Variants in AUTS2 observed in about 807,000 individuals in gnomAD.
AUTS2 encodes the protein activator of transcription and developmental regulator AUTS2, also known as autism susceptibility gene 2 protein.
AUTS2 carries 17 observed loss-of-function variants against 112.4 expected under a neutral mutation model. That is an observed-to-expected ratio of 0.15 (90% CI 0.10 to 0.23). The LOEUF is 0.23. AUTS2 is among the 10% of genes least tolerant of loss of function. AUTS2 has a pLI of 1.00. For synonymous variants in AUTS2, 751 were observed against 702.7 expected (o/e 1.07, Z -1.09); for missense variants, 1,510 against 1,701.6 (o/e 0.89, Z 1.98).
chr7:69,865,216 G>C (rs1793168063), intron 1 of AUTS2, among the ~76,000 whole-genome samples: 1 of 152,046 alleles, frequency 6.6e-6, no homozygotes, highest in South Asian at 2.1e-4. Flanking sequence ...GGGAGTGGGA[G>C]TTTGGGGAGG....
chr7:70,724,401 C>T (rs980892189), intron 6 of AUTS2, among the ~76,000 whole-genome samples: 2 of 145,340 alleles, frequency 1.4e-5, no homozygotes, highest in South Asian at 4.5e-4. Flanking sequence ...AGAATTAAAA[C>T]ATCAGTTTAT....
intron 5 of AUTS2, among the ~76,000 whole-genome samples, chr7:70,689,044 C>T (rs955772307): frequency 2.0e-5 from 3 of 151,928 alleles, no homozygotes; most frequent in Non-Finnish European, 4.4e-5. Flanking sequence ...GATTCAGGGT[C>T]GACTTTATAA....
At chr7:69,822,303 T>C (rs1791035256) in intron 1 of AUTS2, among the ~76,000 whole-genome samples, 1 of 152,182 alleles carries the variant, frequency 6.6e-6, no homozygotes, top group Non-Finnish European at 1.5e-5. Flanking sequence ...CCAAAGGATA[T>C]GTAGCTTGGA....
chr7:69,660,349 A>T (rs1438540903), intron 1 of AUTS2, among the ~76,000 whole-genome samples: 2 of 151,800 alleles, frequency 1.3e-5, no homozygotes, highest in African/African-American at 4.8e-5. Flanking sequence ...TCAATTTTTG[A>T]TGTTTGACAG....
At chr7:69,964,138 A>C (rs1797538604) in intron 2 of AUTS2, among the ~76,000 whole-genome samples, 1 of 152,108 alleles carries the variant, frequency 6.6e-6, no homozygotes, top group Admixed American at 6.5e-5. Flanking sequence ...ATATTACCTG[A>C]TACATATAAT....
At position 70,696,293 on chromosome 7, in the gene AUTS2, G is replaced by C. The variant is rs376193740; in HGVS notation, c.691-2276G>C. ...CACAGTTGTAACCACCTGGATAGGA[G>C]AGAGAAGGGATCCAGAATGTTTTCA... On this transcript the variant is annotated intron_variant, in intron 5 of 18. Coordinates refer to ENST00000342771, the MANE Select transcript of AUTS2 (RefSeq NM_015570.4). Among the ~76,000 whole-genome samples, 17 of 152,318 alleles carry C rather than the reference G, an allele frequency of 1.1e-4. 1 individual carries two copies. In the East Asian group the frequency reaches 2.1e-3, roughly 19 times the overall value.
At chr7:70,773,705 C>A (rs1182376771) in intron 11 of AUTS2, among the ~76,000 whole-genome samples, 2 of 152,202 alleles carry the variant, frequency 1.3e-5, no homozygotes, top group Non-Finnish European at 2.9e-5. Flanking sequence ...GCAGTCCCTG[C>A]CATGGGTTCA....
chr7:70,608,540 C>T lies in AUTS2; in HGVS notation c.691-90029C>T, dbSNP rs575823593. On this transcript the variant is annotated intron_variant, in intron 5 of 18. Coordinates refer to ENST00000342771, the MANE Select transcript of AUTS2 (RefSeq NM_015570.4). ...TTTTTTTAGGGGAACAGTTTATTTG[C>T]TATTTTCTTATTGGGATAACTTTTT... Among the ~76,000 whole-genome samples the T allele has an allele frequency of 3.9e-5, 6 of 152,274 alleles. No individual in the cohort carries two copies. In the South Asian group the frequency reaches 1.0e-3, roughly 26 times the overall value.
In AUTS2 at chr7:70,710,741, C is replaced by T. The variant is rs192862486; in HGVS notation, c.742+12121C>T. ...AAATTCCACTTGTCTGGACTGTGCT[C>T]CTCACTTTCTGAGATTGAGAACTGG... On this transcript the variant is annotated intron_variant, in intron 6 of 18. Transcript: ENST00000342771. Among the ~76,000 whole-genome samples the T allele has an allele frequency of 3.5e-4, 53 of 152,334 alleles. 1 individual carries two copies. The highest frequency in any genetic ancestry group is 1.2e-3 in the African/African-American group (50 of 41,560).
intron 2 of AUTS2, among the ~76,000 whole-genome samples, chr7:69,974,547 C>T (rs1022249456): frequency 6.6e-6 from 1 of 151,952 alleles, no homozygotes; most frequent in Admixed American, 6.6e-5. Context: ...AATCTCTTTT[C>T]AAGACTGAAG....
intron 6 of AUTS2, among the ~76,000 whole-genome samples, chr7:70,709,267 G>C (rs1277649956): frequency 1.3e-5 from 2 of 152,086 alleles, no homozygotes; most frequent in Non-Finnish European, 2.9e-5. Context: ...GGTGGCAGGA[G>C]GGAAGCCCCA....
At chr7:70,672,805 G>A (rs1429603188) in intron 5 of AUTS2, among the ~76,000 whole-genome samples, 2 of 152,086 alleles carry the variant, frequency 1.3e-5, no homozygotes, top group Non-Finnish European at 2.9e-5. Flanking sequence ...GTTTCACCAT[G>A]TTGGCCAGGA....
intron 4 of AUTS2, among the ~76,000 whole-genome samples, chr7:70,328,065 C>G (rs193270668): frequency 3.7e-4 from 57 of 152,274 alleles, no homozygotes; most frequent in Non-Finnish European, 3.7e-4. Flanking sequence ...GAGAGAAGCT[C>G]TACTTTAGGA....
At chr7:70,751,761 C>T (rs1348583063) in intron 6 of AUTS2, among the ~76,000 whole-genome samples, 2 of 152,136 alleles carry the variant, frequency 1.3e-5, no homozygotes, top group Non-Finnish European at 2.9e-5. Flanking sequence ...CACTCTGTTG[C>T]CAAGGCTGGA....
chr7:69,952,332 T>A (rs1797059139), intron 2 of AUTS2, among the ~76,000 whole-genome samples: 1 of 152,204 alleles, frequency 6.6e-6, no homozygotes, highest in Non-Finnish European at 1.5e-5. Flanking sequence ...TTAATGTGAT[T>A]CCAAATGCAG....
At chr7:70,089,387 T>A (rs943083339) in intron 2 of AUTS2, among the ~76,000 whole-genome samples, 2 of 152,146 alleles carry the variant, frequency 1.3e-5, no homozygotes, top group Non-Finnish European at 2.9e-5. Flanking sequence ...AAAATATTCT[T>A]TGTTCTGAAA....
At chr7:70,319,498 G>A (rs965180759) in intron 4 of AUTS2, among the ~76,000 whole-genome samples, 8 of 152,176 alleles carry the variant, frequency 5.3e-5, no homozygotes, top group African/African-American at 1.9e-4. Flanking sequence ...TATATCATGA[G>A]GTAGGATTAC....
chr7:70,144,491 C>T (rs1807021097), intron 4 of AUTS2, among the ~76,000 whole-genome samples: 1 of 151,978 alleles, frequency 6.6e-6, no homozygotes, highest in Admixed American at 6.6e-5. Flanking sequence ...GCATCATGAC[C>T]AAATGGAAGC....
At chr7:70,351,397 C>T (rs1791756140) in intron 4 of AUTS2, among the ~76,000 whole-genome samples, 1 of 152,204 alleles carries the variant, frequency 6.6e-6, no homozygotes, top group Admixed American at 6.5e-5. Flanking sequence ...TACACACACA[C>T]TACAGCACAT....
Sources: allele counts gnomAD v4.1 joint callset (sites outside exome capture counted in the v4.1 genomes callset), GRCh38; gene constraint gnomAD v4.1.1; transcripts MANE v1.5; gene names NCBI Gene and HGNC (gene_info 2026-07-23, HGNC 2026-07-21).